Variants in TTC17 observed in about 807,000 individuals in gnomAD.
TTC17 encodes the protein tetratricopeptide repeat domain 17.
Under a neutral mutation model 143.8 loss-of-function variants are expected in TTC17, and 58 were observed. The ratio of observed to expected loss-of-function variants is 0.40; its 90% confidence interval spans 0.33 to 0.50. TTC17 has a LOEUF of 0.50. Ranked by LOEUF, TTC17 falls within the 20% of genes least tolerant of loss-of-function variation. The pLI, the probability that TTC17 is intolerant of heterozygous loss-of-function variation, is 0.49. For missense variants in TTC17, 1,273 were observed against 1,392.5 expected (o/e 0.91, Z 1.37); for synonymous variants, 501 against 497.8 (o/e 1.01, Z -0.09).
At chr11:43,401,305 C>G in intron 9 of TTC17, 141 bp from the exon 10 acceptor site, 1 of 507,258 alleles carries the variant, frequency 2.0e-6, no homozygotes. Context: ...ATGAATATTT[C>G]TCTATATAAG....
intron 2 of TTC17, among the ~76,000 whole-genome samples, chr11:43,388,106 G>A (rs1411237707): frequency 1.3e-5 from 2 of 152,092 alleles, no homozygotes; most frequent in African/African-American, 2.4e-5. Context: ...TTTTTCACAT[G>A]TATACAAGGA....
At chr11:43,454,899 A>G (rs1287667138) in intron 21 of TTC17, among the ~76,000 whole-genome samples, 1 of 151,952 alleles carries the variant, frequency 6.6e-6, no homozygotes. Flanking sequence ...GGATATAAAG[A>G]CCTAAATAGC....
At chr11:43,444,428 TA>T in intron 18 of TTC17, 1 of 364,576 alleles carries the variant, frequency 2.7e-6, no homozygotes, top group African/African-American at 2.1e-5. Flanking sequence ...TTATGTGTAA[TA>T]AATCATAAAG....
chr11:43,400,026 G>A lies in TTC17; in HGVS notation c.1197G>A (p.Gln399=). 3 of 1,613,278 alleles carry A rather than the reference G, an allele frequency of 1.9e-6. No homozygotes were observed. The highest frequency in any genetic ancestry group is 2.5e-6 in the Non-Finnish European group (3 of 1,179,732). The stretch of plus-strand genomic sequence containing the variant: ...TAAGAAATATCATTCATGAGACTCA[G>A]ATGGCAAAAGAGGCACAATTAGGTA... ...QILRNIIHET[Q]MAKEAQLGNH... Residue 399 remains glutamine (Q), a synonymous_variant, in exon 9 of 24, where the codon CAG becomes CAA. Transcript: ENST00000039989.
intron 21 of TTC17, among the ~76,000 whole-genome samples, chr11:43,456,879 G>A (rs1449748479): frequency 6.6e-6 from 1 of 152,108 alleles, no homozygotes; most frequent in Non-Finnish European, 1.5e-5. Flanking sequence ...ACAGGAGTCT[G>A]GGGGATTAGG....
intron 1 of TTC17, among the ~76,000 whole-genome samples, chr11:43,361,738 TG>T (rs1350850365): frequency 6.6e-6 from 1 of 152,234 alleles, no homozygotes; most frequent in East Asian, 1.9e-4. Context: ...TGCTTATTCT[TG>T]GTTACAATAT....
chr11:43,364,047 CTTTTTTTTTTTTTTT>C (rs71308379), intron 1 of TTC17, among the ~76,000 whole-genome samples: 1 of 94,452 alleles, frequency 1.1e-5, no homozygotes, highest in Non-Finnish European at 2.1e-5. Context: ...TACAGATCCT[CTTTTTTTTTTTTTTT>C]TTTTTTTTTT....
chr11:43,490,271 A>G lies in TTC17; in HGVS notation c.3063A>G (p.Ala1021=), dbSNP rs1948450642. Residue 1021 remains alanine, a synonymous_variant, in exon 22 of 24, where the codon GCA becomes GCG. Transcript: ENST00000039989. ...CGTCCTGGGTCCTCTCCAGCATGGC[A>G]GCCCTCTACTGGAGGGTGAAAGGCC... is the stretch of plus-strand genomic sequence containing the variant. ...NQTSWVLSSM[A]ALYWRVKGQG... is the part of the protein sequence containing the mutation. 2 of 1,612,716 alleles carry G rather than the reference A, an allele frequency of 1.2e-6. No individual in the cohort carries two copies. The highest frequency in any genetic ancestry group is 1.7e-6 in the Non-Finnish European group (2 of 1,179,194).
chr11:43,386,280 C>T (rs1857166825), intron 2 of TTC17, among the ~76,000 whole-genome samples: 1 of 152,054 alleles, frequency 6.6e-6, no homozygotes, highest in Non-Finnish European at 1.5e-5. Context: ...GGAATATGCT[C>T]TGAGAAATGT....
intron 5 of TTC17, among the ~76,000 whole-genome samples, chr11:43,392,971 A>G (rs772128040): frequency 1.3e-5 from 2 of 152,236 alleles, no homozygotes; most frequent in East Asian, 1.9e-4. Context: ...ATTCTAAGCC[A>G]CAGCAAAGGC....
intron 21 of TTC17, among the ~76,000 whole-genome samples, chr11:43,482,399 T>G (rs1434263365): frequency 6.6e-6 from 1 of 152,064 alleles, no homozygotes; most frequent in Non-Finnish European, 1.5e-5. Context: ...TTTCATTCAA[T>G]TCAAAGTACT....
intron 19 of TTC17, 48 bp from the exon 20 acceptor site, chr11:43,450,033 AC>A (rs1412222376): frequency 1.3e-6 from 2 of 1,586,052 alleles, no homozygotes; most frequent in Admixed American, 3.4e-5. Flanking sequence ...TTCTCTTCCC[AC>A]CCACTCAAAA....
At chr11:43,469,634 C>T (rs1948051703) in intron 21 of TTC17, among the ~76,000 whole-genome samples, 1 of 151,988 alleles carries the variant, frequency 6.6e-6, no homozygotes, top group African/African-American at 2.4e-5. Flanking sequence ...TATGAAATTC[C>T]AGAATAGGGG....
In TTC17 at chr11:43,379,277, A is replaced by G; in HGVS notation, c.204A>G (p.Ile68Met). ...TGAAGCATCCTCATGACCTAGTCAT[A>G]TTAATGAGACAAGAAGCAACAGTTA... The part of the protein sequence containing the change: ...MNLKHPHDLV[I>M]LMRQEATVNY... Residue 68 changes from isoleucine to methionine, a missense_variant, in exon 2 of 24, where the codon ATA becomes ATG. By Grantham distance (10) the Ile-to-Met change is conservative. This residue lies in a region of TTC17 where 325 missense variants were observed against 444.2 expected (regional missense o/e 0.73). Transcript: ENST00000039989. 1.2e-6 allele frequency: 2 copies of G among 1,612,576 alleles called. No individual in the cohort carries two copies. The highest frequency in any genetic ancestry group is 1.3e-5 in the African/African-American group (1 of 74,982).
chr11:43,361,897 T>TA (rs1329378265), intron 1 of TTC17, among the ~76,000 whole-genome samples: 1 of 152,136 alleles, frequency 6.6e-6, no homozygotes, highest in African/African-American at 2.4e-5. Flanking sequence ...CCAGATTAGA[T>TA]ATATGGGTCA....
chr11:43,408,025 A>G (rs1450786549), intron 15 of TTC17, among the ~76,000 whole-genome samples: 4 of 152,120 alleles, frequency 2.6e-5, no homozygotes, highest in African/African-American at 9.7e-5. Flanking sequence ...AGATACATTG[A>G]TTTTCATGCC....
At chr11:43,402,433 CGT>C (rs1857905915) in intron 10 of TTC17, among the ~76,000 whole-genome samples, 1 of 152,058 alleles carries the variant, frequency 6.6e-6, no homozygotes, top group Non-Finnish European at 1.5e-5. Context: ...TATATACACA[CGT>C]GTATACACAC....
chr11:43,393,327 G>T (rs546516583), intron 5 of TTC17, among the ~76,000 whole-genome samples: 1 of 152,068 alleles, frequency 6.6e-6, no homozygotes, highest in Admixed American at 6.6e-5. Flanking sequence ...AACAGCTCAC[G>T]GAAGTCAGGA....
intron 21 of TTC17, chr11:43,466,938 G>A (rs543018577): frequency 7.5e-5 from 13 of 172,282 alleles, no homozygotes; most frequent in Middle Eastern, 2.5e-3. Flanking sequence ...GGAGAGCACC[G>A]TTCCACCCCA....
Sources: gnomAD v4.1 joint callset for allele counts (sites outside exome capture counted in the v4.1 genomes callset) on GRCh38, gnomAD v4.1.1 for gene constraint, gnomAD v4.1.1 regional missense constraint, MANE v1.5 for transcripts, NCBI Gene and HGNC (gene_info 2026-07-23, HGNC 2026-07-21) for gene names.